SLC16A2: variants seen among roughly 807,000 people sequenced by gnomAD.
SLC16A2 encodes monocarboxylate transporter 8.
In SLC16A2, 3 loss-of-function variants were observed where a neutral mutation model predicts 27.2. That is an observed-to-expected ratio of 0.11 (90% CI 0.05 to 0.28). The LOEUF (loss-of-function observed/expected upper bound fraction) is 0.28, where lower values mean the gene tolerates loss of function less well. Ranked by LOEUF, SLC16A2 falls within the 10% of genes least tolerant of loss-of-function variation. SLC16A2 has a pLI of 1.00. For synonymous variants in SLC16A2, 202 were observed against 187.8 expected, an observed-to-expected ratio of 1.08 and a Z score of -0.62; for missense variants, 295 against 458.5, an observed-to-expected ratio of 0.64 and a Z score of 3.26.
chrX:74,464,200 G>A (rs1376278994), intron 1 of SLC16A2, among the ~76,000 whole-genome samples: 1 of 112,027 alleles, frequency 8.9e-6, no homozygotes, highest in African/African-American at 3.2e-5. Context: ...CAGTTGGGTT[G>A]TTTACAGTTT....
chrX:74,451,409 G>T (rs1602111914), intron 1 of SLC16A2, among the ~76,000 whole-genome samples: 1 of 112,586 alleles, frequency 8.9e-6, no homozygotes, highest in East Asian at 2.8e-4. Flanking sequence ...TCAAACATCA[G>T]ATTTAGGCTA....
At chrX:74,522,926 A>T (rs1430823907) in intron 2 of SLC16A2, among the ~76,000 whole-genome samples, 1 of 111,922 alleles carries the variant, frequency 8.9e-6, no homozygotes, top group Non-Finnish European at 1.9e-5. Context: ...TCCGAATGAC[A>T]TGGAATGGGG....
chrX:74,440,043 A>G (rs1928713195), intron 1 of SLC16A2, among the ~76,000 whole-genome samples: 1 of 111,647 alleles, frequency 9.0e-6, no homozygotes. Flanking sequence ...TCCTAGTGAT[A>G]GAGTTGAAGA....
chrX:74,438,904 T>C (rs757975487), intron 1 of SLC16A2, among the ~76,000 whole-genome samples: 15 of 112,149 alleles, frequency 1.3e-4, no homozygotes, highest in Non-Finnish European at 2.8e-4. Context: ...CCAGTTGCTC[T>C]TTGAATAGCA....
intron 1 of SLC16A2, among the ~76,000 whole-genome samples, chrX:74,448,871 A>G (rs1361508404): frequency 9.0e-6 from 1 of 111,150 alleles, no homozygotes; most frequent in East Asian, 2.8e-4. Flanking sequence ...CGATAATGAC[A>G]TGCTTTGAAA....
intron 1 of SLC16A2, among the ~76,000 whole-genome samples, chrX:74,515,201 A>C (rs1384700993): frequency 5.4e-5 from 6 of 112,108 alleles, no homozygotes; most frequent in Admixed American, 1.9e-4. Context: ...TAATTAGAAG[A>C]TATAAAGATG....
intron 1 of SLC16A2, among the ~76,000 whole-genome samples, chrX:74,428,944 G>C (rs976863981): frequency 9.0e-6 from 1 of 111,338 alleles, no homozygotes; most frequent in Non-Finnish European, 1.9e-5. Context: ...CTGGTTTTTG[G>C]TAGCTTCCGT....
chrX:74,427,347 T>C (rs1482155776), intron 1 of SLC16A2, among the ~76,000 whole-genome samples: 1 of 110,943 alleles, frequency 9.0e-6, no homozygotes, highest in Non-Finnish European at 1.9e-5. Flanking sequence ...TTGGGGAGGG[T>C]TGCTACTGTG....
At chrX:74,459,925 G>A (rs1234560343) in intron 1 of SLC16A2, among the ~76,000 whole-genome samples, 1 of 111,668 alleles carries the variant, frequency 9.0e-6, no homozygotes, top group Non-Finnish European at 1.9e-5. Context: ...AACAGAACAA[G>A]TACTGGGATG....
intron 1 of SLC16A2, among the ~76,000 whole-genome samples, chrX:74,441,150 C>T (rs1238821153): frequency 1.8e-5 from 2 of 110,610 alleles, no homozygotes; most frequent in Non-Finnish European, 3.8e-5. Flanking sequence ...CTCCGCCTCC[C>T]CGGTTCACGC....
intron 1 of SLC16A2, among the ~76,000 whole-genome samples, chrX:74,517,011 G>T (rs754565797): frequency 8.9e-6 from 1 of 111,967 alleles, no homozygotes; most frequent in Non-Finnish European, 1.9e-5. Context: ...TATGGGTCGT[G>T]GGGGAGTGGG....
intron 1 of SLC16A2, among the ~76,000 whole-genome samples, chrX:74,472,459 A>G (rs1452519090): frequency 1.8e-5 from 2 of 111,177 alleles, no homozygotes; most frequent in Non-Finnish European, 3.8e-5. Flanking sequence ...AGACTATTTT[A>G]TCTATATTGA....
rs1602099961 is a variant in SLC16A2, at chrX:74,422,037, GA to G, written c.407del (p.Asn136IlefsTer18). The G allele has an allele frequency of 8.3e-7, 1 of 1,209,538 alleles. No individual in the cohort carries two copies. On this transcript the variant is annotated frameshift_variant, in exon 1 of 6. Coordinates refer to ENST00000587091, the MANE Select transcript of SLC16A2 (RefSeq NM_006517.5). LOFTEE classifies it high-confidence loss of function. The stretch of plus-strand genomic sequence containing the variant: ...CTCCATGCTGCTAGAGGAGGAAAAG[GA>G]AAAAAATCGCCAAGTGGAGTTCCAA... ...LYSMLLEEEK[E>X]KNRQVEFQAA...
chrX:74,425,911 C>T, intron 1 of SLC16A2, among the ~76,000 whole-genome samples: 1 of 111,994 alleles, frequency 8.9e-6, no homozygotes. Flanking sequence ...AGGCTCTCAT[C>T]ACCAGAGAAA....
rs181986022 is a variant in SLC16A2 at position 74,444,424 on chromosome X, C to A, written c.430+22357C>A. 2.8e-5 allele frequency among the ~76,000 whole-genome samples: 3 copies of A among 108,611 alleles called. No individual in the cohort carries two copies. In the Admixed American group the frequency reaches 3.0e-4, roughly 11 times the overall value. The allele number at this position is 108,611 out of a possible 115,157, so 94.3% of individuals were successfully genotyped here. ...TCTTCAATCCTGGCTGTCCTGGCACCATATTCTGCCCCTGACTCATTTACC... is the reference window on the plus strand; with the variant it reads ...TCTTCAATCCTGGCTGTCCTGGCACAATATTCTGCCCCTGACTCATTTACC... On this transcript the variant is annotated intron_variant, in intron 1 of 5. Transcript: ENST00000587091.
At chrX:74,431,635 G>T (rs189277428) in intron 1 of SLC16A2, among the ~76,000 whole-genome samples, 1 of 111,987 alleles carries the variant, frequency 8.9e-6, no homozygotes, top group East Asian at 2.8e-4. Flanking sequence ...AGTTGAAAAA[G>T]AAACTGTCTC....
intron 1 of SLC16A2, among the ~76,000 whole-genome samples, chrX:74,446,656 A>AACAAC (rs1928844135): frequency 9.3e-6 from 1 of 107,774 alleles, no homozygotes; most frequent in African/African-American, 3.6e-5. Context: ...AAACAACCAA[A>AACAAC]CAAACAAACC....
chrX:74,449,143 G>T (rs1928892182), intron 1 of SLC16A2, among the ~76,000 whole-genome samples: 1 of 111,652 alleles, frequency 9.0e-6, no homozygotes, highest in African/African-American at 3.3e-5. Flanking sequence ...TGCCAAACTG[G>T]GGAGGGAAGT....
intron 1 of SLC16A2, among the ~76,000 whole-genome samples, chrX:74,424,164 G>A (rs1928363232): frequency 9.1e-6 from 1 of 110,469 alleles, no homozygotes; most frequent in Non-Finnish European, 1.9e-5. Context: ...CACAGACCAG[G>A]TTCACTGAGG....
Sources: gnomAD v4.1 joint callset for allele counts (sites outside exome capture counted in the v4.1 genomes callset) on GRCh38, gnomAD v4.1.1 for gene constraint, MANE v1.5 for transcripts, NCBI Gene and HGNC (gene_info 2026-07-23, HGNC 2026-07-21) for gene names.